PTPRT: variants seen among roughly 807,000 people sequenced by gnomAD.
The protein encoded by PTPRT is receptor-type tyrosine-protein phosphatase T.
In PTPRT, 56 loss-of-function variants were observed where a neutral mutation model predicts 176.8. The ratio of observed to expected loss-of-function variants is 0.32; its 90% CI spans 0.26 to 0.40. PTPRT has a LOEUF of 0.40. Ranked by LOEUF, PTPRT falls within the 10% of genes least tolerant of loss-of-function variation. PTPRT has a pLI of 1.00. For missense variants in PTPRT, 1,540 were observed against 1,908.2 expected, an observed-to-expected ratio of 0.81 and a Z score of 3.60; for synonymous variants, 783 against 739.0, an observed-to-expected ratio of 1.06 and a Z score of -0.96.
At chr20:42,487,289 T>G (rs527516562) in intron 7 of PTPRT, among the ~76,000 whole-genome samples, 1 of 152,316 alleles carries the variant, frequency 6.6e-6, no homozygotes, top group Non-Finnish European at 1.5e-5. Flanking sequence ...AACATTCTCA[T>G]CTACCAGCCA....
chr20:42,163,629 T>A (rs1989703797), intron 16 of PTPRT, among the ~76,000 whole-genome samples: 1 of 152,142 alleles, frequency 6.6e-6, no homozygotes. Flanking sequence ...GGCTTGACTG[T>A]CTAGCAAGGA....
intron 9 of PTPRT, among the ~76,000 whole-genome samples, chr20:42,426,992 A>G (rs909411758): frequency 1.3e-5 from 2 of 152,170 alleles, no homozygotes; most frequent in African/African-American, 2.4e-5. Context: ...GCTGTCAAAC[A>G]TGGTGGCACA....
At chr20:42,264,278 AC>A (rs1053365952) in intron 13 of PTPRT, among the ~76,000 whole-genome samples, 1 of 152,056 alleles carries the variant, frequency 6.6e-6, no homozygotes, top group East Asian at 1.9e-4. Flanking sequence ...GGATGTGACA[AC>A]CCTCTTCTGC....
At chr20:42,973,914 G>T (rs1230509150) in intron 1 of PTPRT, among the ~76,000 whole-genome samples, 1 of 152,182 alleles carries the variant, frequency 6.6e-6, no homozygotes, top group African/African-American at 2.4e-5. Context: ...TCTGACAGAT[G>T]CAGAAGAGAG....
At chr20:42,615,187 T>A (rs1600475716) in intron 7 of PTPRT, among the ~76,000 whole-genome samples, 1 of 130,402 alleles carries the variant, frequency 7.7e-6, no homozygotes, top group South Asian at 2.5e-4. Flanking sequence ...ATATGCGGTG[T>A]TTGGTTTTTT....
intron 7 of PTPRT, among the ~76,000 whole-genome samples, chr20:42,566,601 G>A (rs1335417320): frequency 6.6e-6 from 1 of 152,166 alleles, no homozygotes; most frequent in Non-Finnish European, 1.5e-5. Flanking sequence ...CTCTCTTTCA[G>A]CTTGCTGGGG....
chr20:42,970,262 A>T (rs1982547280), intron 1 of PTPRT, among the ~76,000 whole-genome samples: 1 of 152,176 alleles, frequency 6.6e-6, no homozygotes, highest in South Asian at 2.1e-4. Context: ...CAGGATATAG[A>T]CCTGTGTTTC....
chr20:42,638,240 G>A (rs2074653046), intron 7 of PTPRT, among the ~76,000 whole-genome samples: 1 of 152,116 alleles, frequency 6.6e-6, no homozygotes, highest in South Asian at 2.1e-4. Flanking sequence ...AATTAAAGGA[G>A]GGAAAATGGG....
chr20:43,111,090 G>A (rs2012839275), intron 1 of PTPRT, among the ~76,000 whole-genome samples: 1 of 152,152 alleles, frequency 6.6e-6, no homozygotes, highest in South Asian at 2.1e-4. Context: ...TTATCGTGTG[G>A]ATAGGGTGAT....
intron 1 of PTPRT, among the ~76,000 whole-genome samples, chr20:43,039,142 T>G (rs986002881): frequency 6.6e-5 from 10 of 152,190 alleles, no homozygotes; most frequent in African/African-American, 2.2e-4. Context: ...TTTTGAGATT[T>G]TAGAGTACTG....
intron 1 of PTPRT, among the ~76,000 whole-genome samples, chr20:42,979,339 C>CT (rs547166169): frequency 1.0e-3 from 155 of 151,928 alleles, no homozygotes; most frequent in Non-Finnish European, 1.7e-3. Flanking sequence ...TGTTCTTTAC[C>CT]TTTTTTGTAA....
chr20:43,189,321 C>T lies in PTPRT; in HGVS notation c.88+325G>A, dbSNP rs2015477665. ...CTCGCCGCCCCAAACACTCAAGTGGCAGATTCCGACAAGTGGGAGGCAGCA... is the reference window on the plus strand; with the variant it reads ...CTCGCCGCCCCAAACACTCAAGTGGTAGATTCCGACAAGTGGGAGGCAGCA... On this transcript the variant is annotated intron_variant, in intron 1 of 30. Coordinates refer to ENST00000373187, the MANE Select transcript of PTPRT (RefSeq NM_007050.6). This position sits in a 1 kb window ranked among gnomAD's most constrained non-coding sequence, Gnocchi z 5.0. 6.6e-6 allele frequency among the ~76,000 whole-genome samples: 1 copy of T among 152,148 alleles called. No homozygotes were observed. Among genetic ancestry groups the T allele is most frequent in the Non-Finnish European group, 1.5e-5 (1 of 68,028 alleles).
At chr20:42,087,394 CTATTT>C (rs1443468006) in intron 27 of PTPRT, among the ~76,000 whole-genome samples, 2 of 151,170 alleles carry the variant, frequency 1.3e-5, no homozygotes, top group African/African-American at 4.9e-5. Context: ...TCACACCCGG[CTATTT>C]TATTTTTTTT....
intron 11 of PTPRT, among the ~76,000 whole-genome samples, chr20:42,323,088 G>A (rs1050011081): frequency 5.9e-5 from 9 of 152,074 alleles, no homozygotes; most frequent in Admixed American, 3.3e-4. Context: ...TAAAATGGCA[G>A]TCATTAAAAA....
intron 19 of PTPRT, among the ~76,000 whole-genome samples, chr20:42,122,549 A>G (rs147185382): frequency 1.0e-3 from 156 of 152,274 alleles, no homozygotes; most frequent in African/African-American, 3.5e-3. Flanking sequence ...GGAATAGAAA[A>G]TAGTCCCCTA....
At chr20:42,133,212 C>G (rs1988210040) in intron 18 of PTPRT, among the ~76,000 whole-genome samples, 1 of 152,120 alleles carries the variant, frequency 6.6e-6, no homozygotes, top group Non-Finnish European at 1.5e-5. Context: ...GTAGGCTAGG[C>G]TAAGCTATGA....
chr20:42,164,732 G>T (rs1382566263), intron 16 of PTPRT, among the ~76,000 whole-genome samples: 1 of 152,172 alleles, frequency 6.6e-6, no homozygotes, highest in African/African-American at 2.4e-5. Flanking sequence ...CCAATTAAAA[G>T]ACGTTATGAT....
intron 12 of PTPRT, among the ~76,000 whole-genome samples, chr20:42,311,413 G>C (rs1488502965): frequency 6.6e-6 from 1 of 152,114 alleles, no homozygotes; most frequent in East Asian, 1.9e-4. Flanking sequence ...ATAGAACAAA[G>C]ATGTCCAGAC....
chr20:42,239,638 G>T (rs1600716288), intron 14 of PTPRT, among the ~76,000 whole-genome samples: 1 of 151,856 alleles, frequency 6.6e-6, no homozygotes, highest in East Asian at 1.9e-4. Flanking sequence ...TAGCCAGGAT[G>T]GTCTCGATCT....
Sources: gnomAD v4.1 joint callset for allele counts (sites outside exome capture counted in the v4.1 genomes callset) on GRCh38, gnomAD v4.1.1 for gene constraint, Gnocchi (gnomAD v3.1) non-coding constraint, MANE v1.5 for transcripts, NCBI Gene and HGNC (gene_info 2026-07-23, HGNC 2026-07-21) for gene names.